The following ZNF609 variants were observed in gnomAD, a reference collection of about 807,000 sequenced individuals.
ZNF609 encodes zinc finger protein 609.
In ZNF609, 11 loss-of-function variants were observed where a neutral mutation model predicts 109.5. The ratio of observed to expected loss-of-function variants is 0.10; its 90% CI spans 0.06 to 0.17. The LOEUF (loss-of-function observed/expected upper bound fraction) is 0.17. ZNF609 is among the 10% of genes least tolerant of loss of function. ZNF609 has a pLI of 1.00. For synonymous variants in ZNF609, 646 were observed against 662.0 expected (o/e 0.98, Z 0.37); for missense variants, 1,559 against 1,772.4 (o/e 0.88, Z 2.16).
intron 2 of ZNF609, chr15:64,529,461 A>C (rs1176082336): frequency 1.0e-6 from 1 of 1,004,926 alleles, no homozygotes; most frequent in African/African-American, 1.6e-5. Context: ...TGGGGTTTCC[A>C]TTGATGACAA....
chr15:64,555,124 G>A (rs528830676), intron 2 of ZNF609, among the ~76,000 whole-genome samples: 1 of 151,754 alleles, frequency 6.6e-6, no homozygotes, highest in African/African-American at 2.4e-5. Context: ...TTCCACCCTG[G>A]GAGACCAAGG....
At chr15:64,472,603 C>T (rs991438679) in intron 1 of ZNF609, among the ~76,000 whole-genome samples, 5 of 152,046 alleles carry the variant, frequency 3.3e-5, no homozygotes, top group Admixed American at 1.3e-4. Context: ...GGTGGCTCTT[C>T]CTTGTAATCC....
intron 1 of ZNF609, chr15:64,470,603 C>A (rs1490083518): frequency 6.6e-6 from 1 of 152,022 alleles, no homozygotes; most frequent in Admixed American, 6.6e-5. Context: ...TTCACTGCAA[C>A]CTCCACCTCC....
intron 2 of ZNF609, among the ~76,000 whole-genome samples, chr15:64,595,588 C>G: frequency 6.6e-6 from 1 of 152,050 alleles, no homozygotes; most frequent in Non-Finnish European, 1.5e-5. Context: ...AGTGGTTTTT[C>G]TATCATTTCT....
intron 2 of ZNF609, among the ~76,000 whole-genome samples, chr15:64,546,789 C>CTTTTTT (rs1206513622): frequency 1.6e-5 from 2 of 122,548 alleles, no homozygotes; most frequent in Non-Finnish European, 3.3e-5. Flanking sequence ...TTTCATGTTT[C>CTTTTTT]TTTTTTTTTT....
At chr15:64,482,637 T>C (rs1893272000) in intron 1 of ZNF609, among the ~76,000 whole-genome samples, 2 of 152,198 alleles carry the variant, frequency 1.3e-5, no homozygotes, top group African/African-American at 2.4e-5. Context: ...AAAATGTAGA[T>C]TAAAGATTGA....
At chr15:64,640,239 T>C (rs73454915) in intron 3 of ZNF609, among the ~76,000 whole-genome samples, 7,032 of 152,164 alleles carry the variant, frequency 0.046, 543 homozygotes, top group African/African-American at 0.16. Context: ...AAATCTCACT[T>C]TGTTGCCCTG....
chr15:64,487,797 T>G (rs1893352985), intron 1 of ZNF609, among the ~76,000 whole-genome samples: 1 of 152,122 alleles, frequency 6.6e-6, no homozygotes, highest in African/African-American at 2.4e-5. Flanking sequence ...CACGCCCAGC[T>G]AAATTTTTTT....
chr15:64,626,193 A>G (rs1327864479), intron 3 of ZNF609, among the ~76,000 whole-genome samples: 1 of 151,924 alleles, frequency 6.6e-6, no homozygotes, highest in Non-Finnish European at 1.5e-5. Context: ...CTTTTTCTGA[A>G]AGAGAACTGT....
intron 2 of ZNF609, among the ~76,000 whole-genome samples, chr15:64,529,896 A>C (rs1277161422): frequency 2.6e-5 from 4 of 151,936 alleles, no homozygotes; most frequent in African/African-American, 9.7e-5. Context: ...ACGCCTGGCT[A>C]ATTTTGTATT....
intron 2 of ZNF609, among the ~76,000 whole-genome samples, chr15:64,599,168 G>GTTTTT (rs556122154): frequency 9.3e-4 from 43 of 46,486 alleles, no homozygotes; most frequent in African/African-American, 2.2e-3. Context: ...TTTTGTGGTG[G>GTTTTT]TTTTTTTTTT....
chr15:64,509,446 T>C (rs564917459), intron 2 of ZNF609, among the ~76,000 whole-genome samples: 28 of 152,214 alleles, frequency 1.8e-4, no homozygotes, highest in Non-Finnish European at 3.8e-4. Context: ...TGTTCTTAGC[T>C]TTGAGGTGCA....
At chr15:64,669,461 A>G (rs1896694974) in intron 3 of ZNF609, among the ~76,000 whole-genome samples, 1 of 152,198 alleles carries the variant, frequency 6.6e-6, no homozygotes. Context: ...GAATATATGA[A>G]CATATTTGCA....
intron 2 of ZNF609, among the ~76,000 whole-genome samples, chr15:64,506,994 T>C (rs1290618193): frequency 6.6e-6 from 1 of 152,190 alleles, no homozygotes; most frequent in African/African-American, 2.4e-5. Context: ...GAAATTTTCA[T>C]GGTGGTGATG....
chr15:64,607,885 TC>T (rs1567027791), intron 2 of ZNF609, among the ~76,000 whole-genome samples: 1 of 19,868 alleles, frequency 5.0e-5, no homozygotes, highest in African/African-American at 8.9e-5. Context: ...CTTTCTTCTT[TC>T]TTTTCTTTCT....
intron 2 of ZNF609, among the ~76,000 whole-genome samples, chr15:64,536,116 G>A (rs1162032308): frequency 6.6e-6 from 1 of 152,082 alleles, no homozygotes; most frequent in Non-Finnish European, 1.5e-5. Context: ...GAACTCCTCA[G>A]CTCAAGCTGT....
chr15:64,568,472 G>GA (rs1462612939), intron 2 of ZNF609, among the ~76,000 whole-genome samples: 2 of 152,162 alleles, frequency 1.3e-5, no homozygotes, highest in Non-Finnish European at 2.9e-5. Context: ...AGGAGCTCTT[G>GA]AAAATCCCAA....
intron 2 of ZNF609, among the ~76,000 whole-genome samples, chr15:64,583,225 G>T (rs553643428): frequency 5.1e-4 from 77 of 150,670 alleles, no homozygotes; most frequent in African/African-American, 1.8e-3. Flanking sequence ...TAGAGACGGG[G>T]TTTCATCATC....
chr15:64,680,130 C>A, intron 6 of ZNF609, 55 bp from the exon 7 acceptor site: 1 of 1,587,064 alleles, frequency 6.3e-7, no homozygotes, highest in Non-Finnish European at 8.6e-7. Context: ...CTCACTAAAG[C>A]AGAGTTTCCT....
Sources: gnomAD v4.1 joint callset for allele counts (sites outside exome capture counted in the v4.1 genomes callset) on GRCh38, gnomAD v4.1.1 for gene constraint, MANE v1.5 for transcripts, NCBI Gene and HGNC (gene_info 2026-07-23, HGNC 2026-07-21) for gene names.